FRAS1: variants seen among roughly 807,000 people sequenced by gnomAD.
FRAS1 encodes the protein Fraser extracellular matrix complex subunit 1.
FRAS1 carries 290 observed loss-of-function variants against 435.2 expected under a neutral mutation model. The ratio of observed to expected loss-of-function variants is 0.67; its 90% CI spans 0.61 to 0.73. FRAS1 has a LOEUF of 0.73. FRAS1 is among the 30% of genes least tolerant of loss of function. The probability of loss-of-function intolerance (pLI) is 0.00; values close to 1 mark genes in which losing one functional copy is unlikely to be tolerated. For synonymous variants in FRAS1, 1,800 were observed against 1,851.0 expected, an observed-to-expected ratio of 0.97 and a Z score of 0.71; for missense variants, 4,860 against 5,001.5, an observed-to-expected ratio of 0.97 and a Z score of 0.85.
intron 2 of FRAS1, among the ~76,000 whole-genome samples, chr4:78,068,888 C>A (rs556103707): frequency 6.6e-6 from 1 of 152,220 alleles, no homozygotes; most frequent in East Asian, 1.9e-4. Context: ...CTACATCATT[C>A]ACTGCTGCTC....
chr4:78,439,815 C>G (rs1352025134), intron 40 of FRAS1, among the ~76,000 whole-genome samples: 1 of 151,978 alleles, frequency 6.6e-6, no homozygotes, highest in Admixed American at 6.6e-5. Context: ...AAAATATTAT[C>G]ATTTTCTACT....
At chr4:78,368,648 T>C (rs1731375476) in intron 22 of FRAS1, among the ~76,000 whole-genome samples, 2 of 152,158 alleles carry the variant, frequency 1.3e-5, no homozygotes, top group South Asian at 4.1e-4. Context: ...GATACAAATG[T>C]TAATCAAATA....
chr4:78,482,787 T>C (rs531687914), intron 58 of FRAS1, among the ~76,000 whole-genome samples: 1 of 152,186 alleles, frequency 6.6e-6, no homozygotes, highest in Non-Finnish European at 1.5e-5. Context: ...AGAAGCTCAG[T>C]GTCTCCCTGT....
chr4:78,354,079 C>T (rs1346278128), intron 20 of FRAS1, among the ~76,000 whole-genome samples: 9 of 148,486 alleles, frequency 6.1e-5, no homozygotes, highest in Middle Eastern at 3.8e-3. Flanking sequence ...ATGCTCATGA[C>T]GTGTTGTTGG....
Position 78,445,643 on chromosome 4 carries a change from T to C in FRAS1, c.5787T>C (p.Asp1929=). The C allele has an allele frequency of 6.2e-7, 1 of 1,613,952 alleles. No individual in the cohort carries two copies. The highest frequency in any genetic ancestry group is 1.1e-5 in the South Asian group (1 of 91,076). Residue 1929 remains aspartate, a synonymous_variant, in exon 42 of 74, where the codon GAT becomes GAC. Coordinates refer to ENST00000512123, the MANE Select transcript of FRAS1 (RefSeq NM_025074.7). Reference sequence around the variant, plus strand: ...ATGAAAGCATTGAGCCAACCCATGATATTTTTAGTTTTTATGTGAGTGATG... The same window carrying C: ...ATGAAAGCATTGAGCCAACCCATGACATTTTTAGTTTTTATGTGAGTGATG... ...SVHESIEPTH[D]IFSFYVSDGT...
chr4:78,161,742 CAAAAAAAAAAAAAAAAAA>C (rs71214399), intron 2 of FRAS1, among the ~76,000 whole-genome samples: 2 of 24,878 alleles, frequency 8.0e-5, no homozygotes, highest in African/African-American at 2.0e-4. Flanking sequence ...AACTCTGTCT[CAAAAAAAAAAAAAAAAAA>C]AAAAAAAAAA....
intron 2 of FRAS1, among the ~76,000 whole-genome samples, chr4:78,127,947 C>T (rs1719462964): frequency 7.0e-6 from 1 of 143,376 alleles, no homozygotes; most frequent in South Asian, 2.4e-4. Context: ...GTTCCCTTTC[C>T]TGTGTCCATG....
chr4:78,196,083 T>C (rs187811992), intron 2 of FRAS1, among the ~76,000 whole-genome samples: 1,581 of 152,070 alleles, frequency 0.01, 12 homozygotes, highest in Middle Eastern at 0.02. Context: ...TCTCGGCTCA[T>C]TGCAAGCTCC....
At chr4:78,397,721 A>G (rs1434201466) in intron 29 of FRAS1, among the ~76,000 whole-genome samples, 1 of 152,142 alleles carries the variant, frequency 6.6e-6, no homozygotes, top group African/African-American at 2.4e-5. Flanking sequence ...CTGTCCCTAG[A>G]CAGCTGTGAA....
At chr4:78,084,626 C>T (rs1741057393) in intron 2 of FRAS1, among the ~76,000 whole-genome samples, 1 of 152,086 alleles carries the variant, frequency 6.6e-6, no homozygotes, top group South Asian at 2.1e-4. Context: ...GTCCTTTAAA[C>T]ATGATCCCAG....
In FRAS1 at chr4:78,497,066, T is replaced by C; in HGVS notation, c.9115+105T>C. ...AAAATAAAAGTGCTTTAAGAATGCC[T>C]ACTGATAACATTCTCTGAATATTTA... On this transcript the variant is annotated intron_variant, in intron 60 of 73. Coordinates refer to ENST00000512123, the MANE Select transcript of FRAS1 (RefSeq NM_025074.7). 8.2e-6 allele frequency: 7 copies of C among 849,878 alleles called. No homozygotes were observed. In the South Asian group the frequency reaches 1.0e-4, roughly 13 times the overall value. 52.6% of individuals were successfully genotyped at this position (849,878 alleles called of 1,614,324 possible).
At chr4:78,314,050 C>CCTTAT (rs1353414696) in intron 15 of FRAS1, among the ~76,000 whole-genome samples, 1 of 151,996 alleles carries the variant, frequency 6.6e-6, no homozygotes, top group Non-Finnish European at 1.5e-5. Context: ...TTTTTCTCTC[C>CCTTAT]CTTATCTTTG....
In FRAS1 at chr4:78,469,965, C is replaced by T; in HGVS notation, c.7258-13C>T. The T allele has an allele frequency of 1.3e-6, 2 of 1,592,966 alleles. No homozygotes were observed. The highest frequency in any genetic ancestry group is 1.7e-6 in the Non-Finnish European group (2 of 1,161,968). ...TGTGAATGATGAGTTTTCTTTTCTG[C>T]CCTCCCCTTCAGATTATGACAGCAG... On this transcript the variant is annotated splice_polypyrimidine_tract_variant and intron_variant, in intron 50 of 73. Transcript: ENST00000512123.
Position 78,451,863 on chromosome 4 carries a change from T to A in FRAS1, c.6555T>A (p.Ile2185=). 6.2e-7 allele frequency: 1 copy of A among 1,612,848 alleles called. No homozygotes were observed. Among genetic ancestry groups the A allele is most frequent in the Non-Finnish European group, 8.5e-7 (1 of 1,179,440 alleles). ...DVVDGEGNRL[I]DKSFSISILE... ...TTGATGGAGAAGGCAACAGATTGAT[T>A]GACAAGTCATTTTCCATCAGCATTC... The change falls in exon 46 of 74, where the codon ATT becomes ATA. Residue 2185 remains isoleucine, a synonymous_variant. Transcript: ENST00000512123.
chr4:78,381,358 C>G (rs1246939276), intron 27 of FRAS1, among the ~76,000 whole-genome samples: 1 of 152,162 alleles, frequency 6.6e-6, no homozygotes, highest in Admixed American at 6.5e-5. Flanking sequence ...GGCTGGAGTA[C>G]AGTGGCACGA....
At chr4:78,535,584 A>G (rs1157832256) in intron 71 of FRAS1, among the ~76,000 whole-genome samples, 1 of 151,962 alleles carries the variant, frequency 6.6e-6, no homozygotes, top group Non-Finnish European at 1.5e-5. Context: ...CCCTTCCTAC[A>G]TCCTACGTCC....
intron 2 of FRAS1, among the ~76,000 whole-genome samples, chr4:78,148,833 C>T (rs1000470136): frequency 1.3e-5 from 2 of 152,248 alleles, no homozygotes; most frequent in East Asian, 3.9e-4. Flanking sequence ...TGTGAATATA[C>T]AAGGTTTCTG....
chr4:78,204,924 A>C (rs996248439), intron 2 of FRAS1, among the ~76,000 whole-genome samples: 1 of 152,152 alleles, frequency 6.6e-6, no homozygotes, highest in Non-Finnish European at 1.5e-5. Flanking sequence ...AAAAGATACT[A>C]GTTTCCAGCA....
At chr4:78,401,333 C>T (rs924471841) in intron 30 of FRAS1, among the ~76,000 whole-genome samples, 9 of 152,126 alleles carry the variant, frequency 5.9e-5, no homozygotes, top group African/African-American at 2.2e-4. Flanking sequence ...CTACTTCCAG[C>T]AAGGTAGTCA....
Sources: allele counts gnomAD v4.1 joint callset (sites outside exome capture counted in the v4.1 genomes callset), GRCh38; gene constraint gnomAD v4.1.1; transcripts MANE v1.5; gene names NCBI Gene and HGNC (gene_info 2026-07-23, HGNC 2026-07-21).